Variants in RPRD2 observed in about 807,000 individuals in gnomAD.
The protein encoded by RPRD2 is regulation of nuclear pre-mRNA domain containing 2.
In RPRD2, 12 loss-of-function variants were observed where a neutral mutation model predicts 104.4. That is an observed-to-expected ratio of 0.11 (90% CI 0.07 to 0.19). The LOEUF (loss-of-function observed/expected upper bound fraction) is 0.19. RPRD2 is among the 10% of genes least tolerant of loss of function. The probability of loss-of-function intolerance (pLI) is 1.00; values close to 1 mark genes in which losing one functional copy is unlikely to be tolerated. For missense variants in RPRD2, 1,543 were observed against 1,790.1 expected (o/e 0.86, Z 2.49); for synonymous variants, 714 against 684.9 (o/e 1.04, Z -0.66).
intron 1 of RPRD2, among the ~76,000 whole-genome samples, chr1:150,402,106 C>T (rs1475786821): frequency 6.6e-6 from 1 of 151,896 alleles, no homozygotes; most frequent in East Asian, 1.9e-4. Flanking sequence ...TTACAGACTC[C>T]CACCACCACA....
Position 150,472,325 on chromosome 1 carries a change from T to A in RPRD2, c.3377T>A (p.Val1126Glu). The change falls in exon 11 of 11, where the codon GTG becomes GAG. Residue 1126 changes from valine (V) to glutamate (E), a missense_variant. Around this residue, in one of 4 missense-constraint regions of RPRD2, gnomAD observed 880 missense variants for 885.6 expected, o/e 0.99. Transcript: ENST00000369068. ...NRGHGREASR[V>E]GWFDLSTSGS... ...GGACATGGGCGTGAGGCTTCAAGGGTGGGTTGGTTTGATCTGAGCACATCA... is the reference window on the plus strand; with the variant it reads ...GGACATGGGCGTGAGGCTTCAAGGGAGGGTTGGTTTGATCTGAGCACATCA... The A allele has an allele frequency of 6.2e-7, 1 of 1,613,672 alleles. No homozygotes were observed. Among genetic ancestry groups the A allele is most frequent in the Non-Finnish European group, 8.5e-7 (1 of 1,179,802 alleles).
intron 2 of RPRD2, among the ~76,000 whole-genome samples, chr1:150,426,871 G>T (rs1347995277): frequency 6.6e-6 from 1 of 152,246 alleles, no homozygotes; most frequent in African/African-American, 2.4e-5. Context: ...GATAGGCCGG[G>T]TGCTATGGCT....
intron 1 of RPRD2, among the ~76,000 whole-genome samples, chr1:150,382,081 A>G (rs1038622655): frequency 1.3e-5 from 2 of 152,212 alleles, no homozygotes; most frequent in Admixed American, 6.5e-5. Context: ...AAATGCAGTT[A>G]TGATATACAG....
At chr1:150,455,212 T>A (rs1413755961) in intron 7 of RPRD2, among the ~76,000 whole-genome samples, 1 of 151,950 alleles carries the variant, frequency 6.6e-6, no homozygotes, top group Non-Finnish European at 1.5e-5. Flanking sequence ...TCAAAACCAG[T>A]GAAAGTCCAG....
At chr1:150,388,493 C>G (rs4360562) in intron 1 of RPRD2, among the ~76,000 whole-genome samples, 65 of 145,060 alleles carry the variant, frequency 4.5e-4, no homozygotes, top group South Asian at 2.4e-3. Flanking sequence ...ATATATATAC[C>G]CGCGCACACA....
chr1:150,366,211 T>C lies in RPRD2; in HGVS notation c.205+1292T>C, dbSNP rs76275820. On this transcript the variant is annotated intron_variant, in intron 1 of 10. Transcript: ENST00000369068. ...TTTCTTTGCTTCCTGCCTGCGGCAT[T>C]TCACCAGTGAGACCCATCATCCAGT... Among the ~76,000 whole-genome samples the C allele has an allele frequency of 4.1e-3, 627 of 152,388 alleles. 7 individuals carry two copies. The highest frequency in any genetic ancestry group is 0.014 in the African/African-American group (589 of 41,596).
intron 1 of RPRD2, among the ~76,000 whole-genome samples, chr1:150,391,710 C>G (rs1553883167): frequency 6.6e-6 from 1 of 152,156 alleles, no homozygotes; most frequent in East Asian, 1.9e-4. Flanking sequence ...GAGTTTGAGA[C>G]CAGCCTGGCC....
chr1:150,472,685 A>AGGAGGC lies in RPRD2; in HGVS notation c.3738_3743dup (p.Glu1247_Ala1248dup). 1.2e-6 allele frequency: 2 copies of AGGAGGC among 1,613,826 alleles called. No homozygotes were observed. Among genetic ancestry groups the AGGAGGC allele is most frequent in the Non-Finnish European group, 1.7e-6 (2 of 1,179,774 alleles). On this transcript the variant is annotated inframe_insertion, in exon 11 of 11. Transcript: ENST00000369068. Reference sequence around the variant, plus strand: ...GTGGATCTTTCGAACCCCTTCACAAAGGAGGCAGCCCTGGCCCATGCTGCC... The same window carrying AGGAGGC: ...GTGGATCTTTCGAACCCCTTCACAAAGGAGGCGGAGGCAGCCCTGGCCCATGCTGCC...
intron 1 of RPRD2, among the ~76,000 whole-genome samples, chr1:150,390,697 G>T (rs1662000233): frequency 6.6e-6 from 1 of 152,096 alleles, no homozygotes. Flanking sequence ...TAAGACCATT[G>T]GCAAAGGGAG....
At chr1:150,373,294 G>A (rs1386323562) in intron 1 of RPRD2, among the ~76,000 whole-genome samples, 1 of 152,114 alleles carries the variant, frequency 6.6e-6, no homozygotes, top group Non-Finnish European at 1.5e-5. Flanking sequence ...GATTACAGGC[G>A]TGAGCCACCA....
chr1:150,419,063 CT>C (rs1664574511), intron 2 of RPRD2, among the ~76,000 whole-genome samples: 1 of 152,128 alleles, frequency 6.6e-6, no homozygotes, highest in Non-Finnish European at 1.5e-5. Context: ...ACCATGGGCC[CT>C]TCTTTTTGAA....
rs1411049629 is a variant in RPRD2 at position 150,396,341 on chromosome 1, A to G, written c.206-21255A>G. On this transcript the variant is annotated intron_variant, in intron 1 of 10. Coordinates refer to ENST00000369068, the MANE Select transcript of RPRD2 (RefSeq NM_015203.5). Reference sequence around the variant, plus strand: ...TGCTGACTGTTCCTTTTGCTCTTCAAAAGCTCTTTAGTTTAATTAAGTTTC... The same window carrying G: ...TGCTGACTGTTCCTTTTGCTCTTCAGAAGCTCTTTAGTTTAATTAAGTTTC... 3.9e-5 allele frequency among the ~76,000 whole-genome samples: 6 copies of G among 152,142 alleles called. No homozygotes were observed. In the East Asian group the frequency reaches 9.6e-4, roughly 24 times the overall value.
Position 150,395,513 on chromosome 1 carries a change from C to CTTTT in RPRD2, c.206-22069_206-22066dup, listed in dbSNP as rs71086506. ...GCTACAGACATGTGTATGCAAATAT[C>CTTTT]TTTTTTTTTTTTTTTTTGAGATGGA... On this transcript the variant is annotated intron_variant, in intron 1 of 10. Coordinates refer to ENST00000369068, the MANE Select transcript of RPRD2 (RefSeq NM_015203.5). Among the ~76,000 whole-genome samples, 32 of 131,642 alleles carry CTTTT rather than the reference C, an allele frequency of 2.4e-4. 2 individuals are homozygous for CTTTT. The highest frequency in any genetic ancestry group is 2.7e-4 in the Non-Finnish European group (17 of 62,676). The allele number at this position is 131,642 out of a possible 152,430, so 86.4% of individuals were successfully genotyped here.
chr1:150,437,395 GTCA>G (rs1192113289), intron 2 of RPRD2, among the ~76,000 whole-genome samples: 1 of 152,094 alleles, frequency 6.6e-6, no homozygotes, highest in Admixed American at 6.6e-5. Flanking sequence ...ACCATGATCA[GTCA>G]TCATCAAGGC....
intron 7 of RPRD2, among the ~76,000 whole-genome samples, chr1:150,447,124 C>T (rs587716645): frequency 6.6e-6 from 1 of 151,940 alleles, no homozygotes; most frequent in East Asian, 1.9e-4. Flanking sequence ...CAGGAGCCAC[C>T]GTGCCCGGCC....
At chr1:150,423,657 A>C (rs1357510097) in intron 2 of RPRD2, among the ~76,000 whole-genome samples, 1 of 152,136 alleles carries the variant, frequency 6.6e-6, no homozygotes, top group Non-Finnish European at 1.5e-5. Context: ...TTGAAATGCA[A>C]AATGCTCCAA....
intron 7 of RPRD2, among the ~76,000 whole-genome samples, chr1:150,450,509 G>T (rs1368376515): frequency 6.7e-6 from 1 of 149,026 alleles, no homozygotes; most frequent in Non-Finnish European, 1.5e-5. Context: ...CGCAGGCTGA[G>T]GCAGGAGAAT....
intron 2 of RPRD2, among the ~76,000 whole-genome samples, chr1:150,435,263 C>T (rs1553892882): frequency 6.6e-6 from 1 of 152,134 alleles, no homozygotes; most frequent in Non-Finnish European, 1.5e-5. Context: ...CTCCTTATTC[C>T]CTGAGACACC....
At chr1:150,437,199 A>G (rs1553893346) in intron 2 of RPRD2, among the ~76,000 whole-genome samples, 1 of 151,832 alleles carries the variant, frequency 6.6e-6, no homozygotes, top group Non-Finnish European at 1.5e-5. Flanking sequence ...GGAGAGGTCA[A>G]AATATCAACA....
Sources: gnomAD v4.1 joint callset for allele counts (sites outside exome capture counted in the v4.1 genomes callset) on GRCh38, gnomAD v4.1.1 for gene constraint, gnomAD v4.1.1 regional missense constraint, MANE v1.5 for transcripts, NCBI Gene and HGNC (gene_info 2026-07-23, HGNC 2026-07-21) for gene names.